The following AFF3 variants were observed in gnomAD, a reference collection of about 807,000 sequenced individuals.
AFF3 encodes the protein AF4/FMR2 family member 3.
AFF3 carries 32 observed loss-of-function variants against 129.7 expected under a neutral mutation model. The observed-to-expected ratio is 0.25, with a 90% confidence interval of 0.19 to 0.33. The LOEUF (loss-of-function observed/expected upper bound fraction) is 0.33, where lower values mean the gene tolerates loss of function less well. Among genes scored for constraint, AFF3 ranks in the 10% least tolerant of loss-of-function variants. The pLI, the probability that AFF3 is intolerant of heterozygous loss-of-function variation, is 1.00. For missense variants in AFF3, 1,373 were observed against 1,592.0 expected (o/e 0.86, Z 2.34); for synonymous variants, 644 against 635.4 (o/e 1.01, Z -0.20).
intron 13 of AFF3, among the ~76,000 whole-genome samples, chr2:99,635,276 A>G (rs1360346965): frequency 1.3e-5 from 2 of 152,008 alleles, no homozygotes; most frequent in Non-Finnish European, 2.9e-5. Flanking sequence ...TATATATCAT[A>G]TATACATATC....
chr2:99,822,249 T>C (rs530454093), intron 8 of AFF3, among the ~76,000 whole-genome samples: 1 of 150,000 alleles, frequency 6.7e-6, no homozygotes, highest in Non-Finnish European at 1.5e-5. Flanking sequence ...CATCATTTTT[T>C]GGGGATAAGA....
Position 99,596,331 on chromosome 2 carries a change from G to A in AFF3, c.1372-2042C>T, listed in dbSNP as rs147242292. Reference sequence around the variant, plus strand: ...CAGAGAAAGCAGGACAGTGGGACACGGAACAGCTTCTCGGCCAAGGGGGAT... The same window carrying A: ...CAGAGAAAGCAGGACAGTGGGACACAGAACAGCTTCTCGGCCAAGGGGGAT... On this transcript the variant is annotated intron_variant, in intron 14 of 24. Transcript: ENST00000672756. Among the ~76,000 whole-genome samples the A allele has an allele frequency of 9.2e-5, 14 of 152,286 alleles. No individual in the cohort carries two copies. The East Asian group carries it at 9.6e-4, about 10-fold the overall frequency.
intron 4 of AFF3, chr2:100,011,465 T>C: frequency 1.3e-6 from 1 of 780,924 alleles, no homozygotes. Context: ...ATTTCTGGGC[T>C]TCTCAGAAGG....
chr2:99,794,204 T>A (rs1685409651), intron 8 of AFF3, among the ~76,000 whole-genome samples: 1 of 152,270 alleles, frequency 6.6e-6, no homozygotes, highest in South Asian at 2.1e-4. Context: ...TCACATTTGC[T>A]GCTTCTTTTT....
chr2:99,695,830 G>A (rs773075987), intron 11 of AFF3, among the ~76,000 whole-genome samples: 114 of 149,070 alleles, frequency 7.6e-4, no homozygotes, highest in Non-Finnish European at 1.5e-4. Flanking sequence ...AGGTGATGAA[G>A]AGACTGCAAT....
At chr2:99,878,411 T>C (rs980795562) in intron 7 of AFF3, among the ~76,000 whole-genome samples, 4 of 152,222 alleles carry the variant, frequency 2.6e-5, no homozygotes, top group African/African-American at 7.2e-5. Flanking sequence ...CATGTACTTA[T>C]TGGGACACAC....
At chr2:99,954,878 C>T (rs1238434955) in intron 7 of AFF3, among the ~76,000 whole-genome samples, 1 of 150,274 alleles carries the variant, frequency 6.7e-6, no homozygotes, top group Non-Finnish European at 1.5e-5. Context: ...AACTAACCTG[C>T]GCATTGTGCA....
rs910194763 is a variant in AFF3, at chr2:100,043,053, A to AT, written c.54-34122dup. ...ATTTTTTTTTTTTTAAACACAGAGA[A>AT]TTTTTTTTTAGCCTGACAAATTTCA... On this transcript the variant is annotated intron_variant, in intron 4 of 24. Coordinates refer to ENST00000672756, the MANE Select transcript of AFF3 (RefSeq NM_001386135.1). Among the ~76,000 whole-genome samples, 9 of 151,338 alleles carry AT rather than the reference A, an allele frequency of 5.9e-5. No homozygotes were observed. In the South Asian group the frequency reaches 1.5e-3, roughly 25 times the overall value.
chr2:99,925,652 C>G (rs1016042102), intron 7 of AFF3, among the ~76,000 whole-genome samples: 2 of 152,336 alleles, frequency 1.3e-5, no homozygotes, highest in Admixed American at 6.5e-5. Flanking sequence ...GGAAATATGT[C>G]TTTACATGCT....
intron 13 of AFF3, among the ~76,000 whole-genome samples, chr2:99,645,267 G>A (rs931089770): frequency 6.6e-6 from 1 of 152,180 alleles, no homozygotes; most frequent in Admixed American, 6.5e-5. Context: ...GGTCGAGGCT[G>A]CAGTGAGCTG....
chr2:99,646,596 G>A (rs962651536), intron 13 of AFF3, among the ~76,000 whole-genome samples: 2 of 152,178 alleles, frequency 1.3e-5, no homozygotes, highest in Non-Finnish European at 2.9e-5. Flanking sequence ...ATTGGGCCTA[G>A]AACCCCACTT....
chr2:100,091,931 T>C (rs1156661766), intron 4 of AFF3, among the ~76,000 whole-genome samples: 5 of 144,830 alleles, frequency 3.5e-5, no homozygotes, highest in Non-Finnish European at 7.6e-5. Context: ...GGCTGATCTT[T>C]CCTTTTCAAC....
At chr2:100,068,919 G>T (rs1372423043) in intron 4 of AFF3, among the ~76,000 whole-genome samples, 1 of 152,050 alleles carries the variant, frequency 6.6e-6, no homozygotes, top group Admixed American at 6.5e-5. Context: ...ATCACTTTGG[G>T]TATTTTTTTC....
At chr2:99,688,885 T>C (rs1037125649) in intron 11 of AFF3, among the ~76,000 whole-genome samples, 10 of 152,222 alleles carry the variant, frequency 6.6e-5, no homozygotes, top group African/African-American at 2.4e-4. Flanking sequence ...CACCACACAA[T>C]ACATGTTTGT....
chr2:99,558,846 A>T (rs975004053), intron 22 of AFF3, 29 bp downstream of exon 22: 1 of 1,603,770 alleles, frequency 6.2e-7, no homozygotes, highest in Non-Finnish European at 8.5e-7. Context: ...GAAATTAAGG[A>T]ACAATTCTGC....
chr2:99,755,122 C>G (rs367628843), intron 8 of AFF3, among the ~76,000 whole-genome samples: 2 of 152,230 alleles, frequency 1.3e-5, no homozygotes, highest in Admixed American at 6.5e-5. Context: ...TGCAAATACC[C>G]CTTCTCCTTT....
chr2:99,827,775 G>C (rs1214826254), intron 8 of AFF3, among the ~76,000 whole-genome samples: 2 of 152,086 alleles, frequency 1.3e-5, no homozygotes, highest in Admixed American at 1.3e-4. Flanking sequence ...GCAGAGGTTA[G>C]AAGAGGGCAG....
intron 2 of AFF3, among the ~76,000 whole-genome samples, chr2:100,121,721 T>C (rs1691974357): frequency 6.6e-6 from 1 of 152,058 alleles, no homozygotes; most frequent in African/African-American, 2.4e-5. Flanking sequence ...AGTGGTACCA[T>C]TGATAAAAAA....
intron 7 of AFF3, among the ~76,000 whole-genome samples, chr2:99,959,976 T>A (rs1192014147): frequency 6.6e-6 from 1 of 152,114 alleles, no homozygotes; most frequent in Non-Finnish European, 1.5e-5. Context: ...CAGGGATTTG[T>A]ATGTGTGTTG....
Sources: allele counts gnomAD v4.1 joint callset (sites outside exome capture counted in the v4.1 genomes callset), GRCh38; gene constraint gnomAD v4.1.1; transcripts MANE v1.5; gene names NCBI Gene and HGNC (gene_info 2026-07-23, HGNC 2026-07-21).